The following NBAS variants were observed in gnomAD, a reference collection of about 807,000 sequenced individuals.
NBAS encodes NBAS subunit of NRZ tethering complex, also known as NAG/BC035112 fusion.
NBAS carries 219 observed loss-of-function variants against 302.5 expected under a neutral mutation model. The observed-to-expected ratio is 0.72, with a 90% CI of 0.65 to 0.81. The LOEUF is 0.81. NBAS is among the 30% of genes least tolerant of loss of function. The probability of loss-of-function intolerance (pLI) is 0.00; values close to 1 mark genes in which losing one functional copy is unlikely to be tolerated. For missense variants in NBAS, 2,932 were observed against 2,841.6 expected, an observed-to-expected ratio of 1.03 and a Z score of -0.72; for synonymous variants, 1,118 against 1,021.6, an observed-to-expected ratio of 1.09 and a Z score of -1.80.
chr2:15,547,232 T>C (rs1054874626), intron 6 of NBAS, among the ~76,000 whole-genome samples: 1 of 152,174 alleles, frequency 6.6e-6, no homozygotes, highest in Non-Finnish European at 1.5e-5. Context: ...TTTCAGTTTG[T>C]AGACTCTGCA....
intron 7 of NBAS, among the ~76,000 whole-genome samples, chr2:15,537,157 ATAAGGATT>A (rs1663559557): frequency 6.6e-6 from 1 of 152,236 alleles, no homozygotes; most frequent in Non-Finnish European, 1.5e-5. Flanking sequence ...CCACTTTGGC[ATAAGGATT>A]ATTTTGAGCT....
chr2:15,398,864 CAAG>C (rs1375005701), intron 26 of NBAS, among the ~76,000 whole-genome samples: 1 of 151,964 alleles, frequency 6.6e-6, no homozygotes, highest in African/African-American at 2.4e-5. Context: ...AATGGAGTAA[CAAG>C]AAAATATCAA....
At chr2:15,086,222 C>T in the NBAS span, among the ~76,000 whole-genome samples, 1 of 152,160 alleles carries the variant, frequency 6.6e-6, no homozygotes, top group East Asian at 1.9e-4. Context: ...AGACCAGTTG[C>T]AGAGAGGAGC....
At chr2:14,989,512 C>T in the NBAS span, among the ~76,000 whole-genome samples, 1 of 151,634 alleles carries the variant, frequency 6.6e-6, no homozygotes, top group African/African-American at 2.4e-5. Flanking sequence ...GAGCTGAGAT[C>T]GCAGCACTGC....
chr2:15,428,405 C>T (rs1446547014), intron 21 of NBAS, among the ~76,000 whole-genome samples: 1 of 152,130 alleles, frequency 6.6e-6, no homozygotes, highest in Non-Finnish European at 1.5e-5. Flanking sequence ...AATGATTCTG[C>T]AGGTTGAAAA....
chr2:15,167,846 GA>G (rs1247313638), intron 51 of NBAS, among the ~76,000 whole-genome samples: 11 of 152,162 alleles, frequency 7.2e-5, no homozygotes, highest in African/African-American at 2.4e-4. Context: ...AAATACACAT[GA>G]AAAAAATTTT....
chr2:15,021,473 G>A, the NBAS span, among the ~76,000 whole-genome samples: 1 of 152,138 alleles, frequency 6.6e-6, no homozygotes, highest in Admixed American at 6.5e-5. Flanking sequence ...TTCTGCCTAT[G>A]AGAAGGCTTT....
the NBAS span, among the ~76,000 whole-genome samples, chr2:15,146,641 A>T: frequency 1.3e-5 from 2 of 152,068 alleles, no homozygotes; most frequent in East Asian, 3.9e-4. Context: ...TCACTAAGTG[A>T]ACCAGAACCC....
chr2:15,347,150 T>G (rs1268016129), intron 35 of NBAS, among the ~76,000 whole-genome samples: 1 of 152,162 alleles, frequency 6.6e-6, no homozygotes, highest in African/African-American at 2.4e-5. Flanking sequence ...AAAAGTCAGT[T>G]AATAACACAC....
intron 49 of NBAS, 107 bp from the exon 50 acceptor site, chr2:15,186,987 T>A (rs985615196): frequency 3.1e-5 from 46 of 1,490,526 alleles, no homozygotes; most frequent in Non-Finnish European, 3.8e-5. Context: ...ACAATCAGAA[T>A]CTAGGTGACG....
chr2:15,135,121 T>G, the NBAS span, among the ~76,000 whole-genome samples: 1 of 152,216 alleles, frequency 6.6e-6, no homozygotes, highest in Non-Finnish European at 1.5e-5. Context: ...GCATAAAGTA[T>G]AATCATAAAA....
chr2:14,887,045 A>G, the NBAS span, among the ~76,000 whole-genome samples: 5 of 152,244 alleles, frequency 3.3e-5, no homozygotes, highest in Admixed American at 6.5e-5. Context: ...AGAATTTGTC[A>G]TAGCAGGCTT....
At chr2:14,971,809 G>T in the NBAS span, among the ~76,000 whole-genome samples, 1 of 152,156 alleles carries the variant, frequency 6.6e-6, no homozygotes, top group Non-Finnish European at 1.5e-5. Flanking sequence ...CTACATACAG[G>T]TCAAGGGATT....
At chr2:15,327,926 T>C in intron 37 of NBAS, 56 bp from the exon 38 acceptor site, 2 of 1,604,392 alleles carry the variant, frequency 1.2e-6, no homozygotes, top group Non-Finnish European at 1.7e-6. Context: ...CCTACAAACA[T>C]ATGCTTAGAA....
chr2:15,009,908 A>C, the NBAS span, among the ~76,000 whole-genome samples: 1 of 152,014 alleles, frequency 6.6e-6, no homozygotes, highest in Admixed American at 6.6e-5. Context: ...TTACATAACA[A>C]ACTACTGACA....
chr2:14,840,977 T>G, the NBAS span, among the ~76,000 whole-genome samples: 1 of 151,918 alleles, frequency 6.6e-6, no homozygotes, highest in Non-Finnish European at 1.5e-5. Context: ...TCCAGCAACA[T>G]GTTAAGTGAT....
At chr2:14,786,618 GT>G in the NBAS span, among the ~76,000 whole-genome samples, 1 of 152,182 alleles carries the variant, frequency 6.6e-6, no homozygotes, top group African/African-American at 2.4e-5. Flanking sequence ...CAGTTTGCAT[GT>G]AGTTGAGCGG....
At chr2:14,874,354 C>T in the NBAS span, among the ~76,000 whole-genome samples, 9 of 151,586 alleles carry the variant, frequency 5.9e-5, no homozygotes, top group South Asian at 4.2e-4. Flanking sequence ...AGGCTGGGCA[C>T]GGTGGCTCAC....
intron 44 of NBAS, among the ~76,000 whole-genome samples, chr2:15,241,614 C>T (rs768868262): frequency 1.3e-5 from 2 of 152,162 alleles, no homozygotes; most frequent in Non-Finnish European, 2.9e-5. Flanking sequence ...CCCTGCTGCA[C>T]AACTTTAAGA....
Sources: allele counts gnomAD v4.1 joint callset (sites outside exome capture counted in the v4.1 genomes callset), GRCh38; gene constraint gnomAD v4.1.1; transcripts MANE v1.5; gene names NCBI Gene and HGNC (gene_info 2026-07-23, HGNC 2026-07-21).